Variants in NUP188 observed in about 807,000 individuals in gnomAD.
NUP188 encodes the protein nucleoporin NUP188.
In NUP188, 97 loss-of-function variants were observed where a neutral mutation model predicts 223.0. The observed-to-expected ratio is 0.43, with a 90% CI of 0.37 to 0.51. The LOEUF (loss-of-function observed/expected upper bound fraction) is 0.51, where lower values mean the gene tolerates loss of function less well. NUP188 is among the 20% of genes least tolerant of loss of function. NUP188 has a pLI of 0.00. For synonymous variants in NUP188, 869 were observed against 828.0 expected (o/e 1.05, Z -0.85); for missense variants, 1,947 against 2,175.6 (o/e 0.89, Z 2.09).
chr9:128,950,113 G>A (rs937279760), intron 2 of NUP188, among the ~76,000 whole-genome samples: 1 of 151,784 alleles, frequency 6.6e-6, no homozygotes, highest in Admixed American at 6.6e-5. Flanking sequence ...AGTAGAGACA[G>A]GGTTTTGCCA....
At chr9:128,965,661 C>G (rs927499232) in intron 8 of NUP188, among the ~76,000 whole-genome samples, 11 of 152,038 alleles carry the variant, frequency 7.2e-5, no homozygotes, top group African/African-American at 2.7e-4. Flanking sequence ...CCATGTTGCC[C>G]AGGGTGGTCT....
In NUP188 at chr9:128,995,587, C is replaced by T. The variant is rs540361087; in HGVS notation, c.3351+73C>T. ...TGTGTTGACATGAGCCTAGCAGATA[C>T]AGCTCCTTGTGCGGAAGAATTAATC... On this transcript the variant is annotated intron_variant, in intron 30 of 43. Transcript: ENST00000372577. The T allele has an allele frequency of 6.3e-6, 8 of 1,266,320 alleles. No individual in the cohort carries two copies. The Admixed American group carries it at 9.0e-5, about 14-fold the overall frequency. 78.4% of individuals were successfully genotyped at this position (1,266,320 alleles called of 1,614,324 possible).
chr9:128,961,574 ATATC>A (rs376439021), intron 8 of NUP188, among the ~76,000 whole-genome samples: 30 of 140,368 alleles, frequency 2.1e-4, no homozygotes, highest in South Asian at 6.8e-4. Context: ...ATCTATATCT[ATATC>A]TATCTATCTA....
At chr9:128,995,862 C>G (rs930323823) in intron 30 of NUP188, among the ~76,000 whole-genome samples, 1 of 152,218 alleles carries the variant, frequency 6.6e-6, no homozygotes, top group African/African-American at 2.4e-5. Flanking sequence ...CTTGTAGATG[C>G]TAGGTCAATA....
At chr9:128,985,714 C>G (rs921941836) in intron 20 of NUP188, among the ~76,000 whole-genome samples, 11 of 152,148 alleles carry the variant, frequency 7.2e-5, no homozygotes, top group African/African-American at 2.7e-4. Flanking sequence ...TACTTCCTGC[C>G]TGCAGGAATC....
chr9:128,999,927 TG>T lies in NUP188; in HGVS notation c.3843+125del, dbSNP rs1213155249. On this transcript the variant is annotated intron_variant, in intron 34 of 43. Coordinates refer to ENST00000372577, the MANE Select transcript of NUP188 (RefSeq NM_015354.3). ...TGCACTTCTGGAGTTCACGGCCTGG[TG>T]GGAAAGGTTAATAGATCAGACACTG... The T allele has an allele frequency of 3.3e-6, 3 of 900,436 alleles. No individual in the cohort carries two copies. In the African/African-American group the frequency reaches 5.0e-5, roughly 15 times the overall value. 55.8% of individuals were successfully genotyped at this position (900,436 alleles called of 1,614,324 possible).
At position 128,983,482 on chromosome 9, in the gene NUP188, T is replaced by C. The variant is rs753679710; in HGVS notation, c.1893T>C (p.Thr631=). ...TTCCTTTTCCTTCTCAGGTCTGGACTGATCTTCGTCACACAGGTTTTTTAC... is the reference window on the plus strand; with the variant it reads ...TTCCTTTTCCTTCTCAGGTCTGGACCGATCTTCGTCACACAGGTTTTTTAC... ...LAARNPAKVW[T]DLRHTGFLPF... Residue 631 remains threonine (T), a synonymous_variant, in exon 19 of 44, where the codon ACT becomes ACC. Coordinates refer to ENST00000372577, the MANE Select transcript of NUP188 (RefSeq NM_015354.3). The C allele has an allele frequency of 5.6e-6, 9 of 1,614,054 alleles. No individual in the cohort carries two copies. The highest frequency in any genetic ancestry group is 7.6e-6 in the Non-Finnish European group (9 of 1,180,014).
intron 11 of NUP188, among the ~76,000 whole-genome samples, chr9:128,971,835 G>A (rs1363365064): frequency 6.6e-6 from 1 of 151,478 alleles, no homozygotes; most frequent in Non-Finnish European, 1.5e-5. Context: ...GAGTACAGTG[G>A]ATCTCAGCTC....
chr9:128,956,543 T>C, intron 4 of NUP188, 109 bp downstream of exon 4: 1 of 606,652 alleles, frequency 1.6e-6, no homozygotes, highest in African/African-American at 1.9e-5. Context: ...GGGGATTAAA[T>C]TGTTTTATAA....
intron 22 of NUP188, among the ~76,000 whole-genome samples, chr9:128,987,088 A>AGAGAGTGTGTGTGTGT (rs1450678206): frequency 5.3e-5 from 6 of 113,342 alleles, no homozygotes; most frequent in South Asian, 3.2e-4. Context: ...AGAGAGAGAG[A>AGAGAGTGTGTGTGTGT]GTGTGTGTGT....
At chr9:128,956,212 CGT>C (rs1206523866) in intron 3 of NUP188, 136 bp from the exon 4 acceptor site, 15 of 348,252 alleles carry the variant, frequency 4.3e-5, no homozygotes, top group East Asian at 2.6e-4. Context: ...TGTGTGTGTG[CGT>C]GTGTGTGTTT....
intron 8 of NUP188, among the ~76,000 whole-genome samples, chr9:128,964,895 A>G (rs1842006935): frequency 6.6e-6 from 1 of 151,598 alleles, no homozygotes; most frequent in Non-Finnish European, 1.5e-5. Context: ...TTTAGTAGAG[A>G]TGGGGTTTCG....
intron 12 of NUP188, among the ~76,000 whole-genome samples, chr9:128,978,611 A>T (rs1842212496): frequency 1.3e-5 from 2 of 150,636 alleles, no homozygotes; most frequent in African/African-American, 4.9e-5. Context: ...CCACTCACCC[A>T]GAATTCTTGC....
intron 37 of NUP188, 57 bp from the exon 38 acceptor site, chr9:129,003,260 G>A (rs1842707488): frequency 1.3e-6 from 2 of 1,567,204 alleles, no homozygotes; most frequent in East Asian, 2.2e-5. Context: ...GGTAGGTGTG[G>A]GTATGTCAGG....
intron 8 of NUP188, among the ~76,000 whole-genome samples, chr9:128,966,675 G>A (rs1216504352): frequency 6.6e-6 from 1 of 152,056 alleles, no homozygotes; most frequent in South Asian, 2.1e-4. Context: ...ATTTGATTCT[G>A]TTATCAGAGA....
At chr9:129,005,584 T>C in intron 40 of NUP188, 54 bp downstream of exon 40, 1 of 1,611,244 alleles carries the variant, frequency 6.2e-7, no homozygotes, top group Admixed American at 1.7e-5. Flanking sequence ...TGCTCTGCTG[T>C]GTACCGAGAG....
intron 2 of NUP188, 55 bp from the exon 3 acceptor site, chr9:128,952,718 G>A (rs1284507146): frequency 8.4e-6 from 12 of 1,432,254 alleles, no homozygotes; most frequent in Non-Finnish European, 1.2e-5. Flanking sequence ...GTGAGACTCT[G>A]TCTCAAAAAA....
rs1050810486 is a variant in NUP188 at position 128,988,245 on chromosome 9, T to A, written c.2533+59T>A. On this transcript the variant is annotated intron_variant, in intron 24 of 43. Transcript: ENST00000372577. ...GTATTTCTCTTCCAGTCATTTTTGC[T>A]CATAAATACGTATCTTAGGCAGTGT... is the stretch of plus-strand genomic sequence containing the variant. The A allele has an allele frequency of 2.5e-6, 4 of 1,584,678 alleles. No individual in the cohort carries two copies. In the African/African-American group the frequency reaches 4.0e-5, roughly 16 times the overall value.
intron 2 of NUP188, among the ~76,000 whole-genome samples, chr9:128,950,247 A>G (rs1477719751): frequency 1.3e-5 from 2 of 151,562 alleles, no homozygotes; most frequent in East Asian, 3.9e-4. Flanking sequence ...TTGTTGAGAC[A>G]GAGTCTGGCT....
Sources: allele counts gnomAD v4.1 joint callset (sites outside exome capture counted in the v4.1 genomes callset), GRCh38; gene constraint gnomAD v4.1.1; transcripts MANE v1.5; gene names NCBI Gene and HGNC (gene_info 2026-07-23, HGNC 2026-07-21).